The following EPGN variants were observed in gnomAD, a reference collection of about 807,000 sequenced individuals.
The protein encoded by EPGN is epithelial mitogen, also known as epigen.
Under a neutral mutation model 20.7 loss-of-function variants are expected in EPGN, and 21 were observed. That is an observed-to-expected ratio of 1.01 (90% confidence interval 0.72 to 1.46). The LOEUF (loss-of-function observed/expected upper bound fraction) is 1.46. EPGN is among the 40% of genes most tolerant of loss of function. EPGN has a pLI of 0.00. For missense variants in EPGN, 199 were observed against 180.7 expected (o/e 1.10, Z -0.58); for synonymous variants, 69 against 63.8 (o/e 1.08, Z -0.39).
intron 2 of EPGN, among the ~76,000 whole-genome samples, chr4:74,310,144 T>C (rs371989330): frequency 1.3e-5 from 2 of 152,128 alleles, no homozygotes; most frequent in African/African-American, 4.8e-5. Context: ...AGGAAACACC[T>C]TATTATAATT....
At chr4:74,309,871 C>T (rs562812812) in intron 2 of EPGN, among the ~76,000 whole-genome samples, 1 of 152,198 alleles carries the variant, frequency 6.6e-6, no homozygotes, top group African/African-American at 2.4e-5. Context: ...TTCTGCAAAT[C>T]GCATCCTGAT....
At chr4:74,312,440 T>G in intron 3 of EPGN, 135 bp downstream of exon 3, 2 of 940,002 alleles carry the variant, frequency 2.1e-6, no homozygotes. Context: ...TTGACAGGCC[T>G]CTACATATTT....
At chr4:74,310,487 A>T (rs565003826) in intron 2 of EPGN, among the ~76,000 whole-genome samples, 1 of 148,418 alleles carries the variant, frequency 6.7e-6, no homozygotes, top group East Asian at 2.0e-4. Flanking sequence ...AAAAAAAAAG[A>T]AGATAATATA....
In EPGN at chr4:74,310,834, C is replaced by T. The variant is rs189447617; in HGVS notation, c.134-1351C>T. 2.0e-3 allele frequency among the ~76,000 whole-genome samples: 310 copies of T among 152,182 alleles called. 1 individual carries two copies. Among genetic ancestry groups the T allele is most frequent in the African/African-American group, 7.2e-3 (297 of 41,520 alleles). On this transcript the variant is annotated intron_variant, in intron 2 of 4. Transcript: ENST00000413830. The stretch of plus-strand genomic sequence containing the variant: ...TTAGTTATGCCTAAAACATTGTAAA[C>T]GCTATGCAAATAGTTGTTATACTGC...
chr4:74,309,584 G>T (rs751622212), intron 2 of EPGN, among the ~76,000 whole-genome samples: 2 of 139,766 alleles, frequency 1.4e-5, no homozygotes, highest in Non-Finnish European at 1.5e-5. Flanking sequence ...GCTACAAGAT[G>T]AACAGCACTT....
chr4:74,315,952 CAAA>C lies in EPGN; in HGVS notation c.*1330_*1332del, dbSNP rs200784402. 1.8e-5 allele frequency among the ~76,000 whole-genome samples: 2 copies of C among 111,436 alleles called. No homozygotes were observed. The highest frequency in any genetic ancestry group is 3.0e-5 in the African/African-American group (1 of 33,262). The allele number at this position is 111,436 out of a possible 152,430, so 73.1% of individuals were successfully genotyped here. A position where few individuals can be genotyped will look rare whatever the true frequency, so the allele number is the denominator to read the frequency against. ...GGGTGACAAGAGCGAAACTCCATCTCAAAAAAAAAAAAAAAAATCAGTATCCTT... is the reference window on the plus strand; with the variant it reads ...GGGTGACAAGAGCGAAACTCCATCTCAAAAAAAAAAAAAATCAGTATCCTT... On this transcript the variant is annotated 3_prime_UTR_variant, in exon 5 of 5. Transcript: ENST00000413830.
rs1751204868 is a variant in EPGN at position 74,315,004 on chromosome 4, C to T, written c.*367C>T. The stretch of plus-strand genomic sequence containing the variant: ...AACCTTGCAGCAAGCCAAAGCAATG[C>T]CTCGCTTGGGTTCTTCATGTTCTTA... On this transcript the variant is annotated 3_prime_UTR_variant, in exon 5 of 5. Transcript: ENST00000413830. 4.6e-6 allele frequency: 1 copy of T among 215,308 alleles called. No homozygotes were observed. Among genetic ancestry groups the T allele is most frequent in the East Asian group, 1.3e-4 (1 of 7,528 alleles). 13.3% of individuals were successfully genotyped at this position (215,308 alleles called of 1,614,324 possible).
At chr4:74,314,393 A>G (rs1268263307) in intron 4 of EPGN, 187 bp from the exon 5 acceptor site, 1 of 623,180 alleles carries the variant, frequency 1.6e-6, no homozygotes, top group East Asian at 2.8e-5. Flanking sequence ...CTATGGGCAG[A>G]CCTTGGGAGA....
In EPGN at chr4:74,316,680, C is replaced by G. The variant is rs1440398937; in HGVS notation, c.*2043C>G. Among the ~76,000 whole-genome samples, 1 of 152,110 alleles carries G rather than the reference C, an allele frequency of 6.6e-6. No homozygotes were observed. On this transcript the variant is annotated 3_prime_UTR_variant, in exon 5 of 5. Transcript: ENST00000413830. ...GACAGACCACACCTAGAAAGCGTTTCTCTTCCTGAGTATTTCAAAAAGATG... is the reference window on the plus strand; with the variant it reads ...GACAGACCACACCTAGAAAGCGTTTGTCTTCCTGAGTATTTCAAAAAGATG...
In EPGN at chr4:74,313,104, T is replaced by C. The variant is rs775356464; in HGVS notation, c.341T>C (p.Ile114Thr). 1.9e-6 allele frequency: 3 copies of C among 1,613,122 alleles called. No homozygotes were observed. Among genetic ancestry groups the C allele is most frequent in the Non-Finnish European group, 2.5e-6 (3 of 1,179,504 alleles). Reference sequence around the variant, plus strand: ...GATTCTTATGAAAAATACATTGCAATTGGGATTGGTGTTGGATTACTATTA... The same window carrying C: ...GATTCTTATGAAAAATACATTGCAACTGGGATTGGTGTTGGATTACTATTA... ...AVDSYEKYIA[I>T]GIGVGLLLSG... The change falls in exon 4 of 5, where the codon ATT becomes ACT. Residue 114 changes from isoleucine to threonine, a missense_variant. Physicochemically the swap from Ile to Thr is moderately conservative, Grantham distance 89 (BLOSUM62 -1). Coordinates refer to ENST00000413830, the MANE Select transcript of EPGN (RefSeq NM_001270989.2).
chr4:74,312,879 C>G, intron 3 of EPGN, 139 bp from the exon 4 acceptor site: 1 of 702,820 alleles, frequency 1.4e-6, no homozygotes, highest in Non-Finnish European at 2.2e-6. Context: ...TTGCCCGTAA[C>G]AGATTGGCTT....
chr4:74,314,544 A>G, intron 4 of EPGN, 36 bp from the exon 5 acceptor site: 1 of 1,532,810 alleles, frequency 6.5e-7, no homozygotes, highest in Non-Finnish European at 8.7e-7. Flanking sequence ...TATGAACCAC[A>G]GTCAAATTCA....
Position 74,313,092 on chromosome 4 carries a change from A to C in EPGN, c.329A>C (p.Lys110Thr), listed in dbSNP as rs369806495. The C allele has an allele frequency of 1.9e-6, 3 of 1,613,404 alleles. No homozygotes were observed. The highest frequency in any genetic ancestry group is 2.5e-6 in the Non-Finnish European group (3 of 1,179,696). ...TCATATGCTGTGGATTCTTATGAAA[A>C]ATACATTGCAATTGGGATTGGTGTT... ...LTSYAVDSYE[K>T]YIAIGIGVGL... The change falls in exon 4 of 5, where the codon AAA becomes ACA. Residue 110 changes from lysine to threonine, a missense_variant. Lys to Thr is a moderately conservative substitution (Grantham distance 78). Coordinates refer to ENST00000413830, the MANE Select transcript of EPGN (RefSeq NM_001270989.2).
rs1751064728 is a variant in EPGN, at chr4:74,313,070, T to C, written c.307T>C (p.Tyr103His). The change falls in exon 4 of 5, where the codon TAT becomes CAT. Residue 103 changes from tyrosine to histidine, a missense_variant. Tyr to His is a moderately conservative substitution (Grantham distance 83). Transcript: ENST00000413830. ...GTGTGAGCACTTGACTTTAACTTCA[T>C]ATGCTGTGGATTCTTATGAAAAATA... Reference protein sequence around the residue: ...ERCEHLTLTSYAVDSYEKYIA... With the variant: ...ERCEHLTLTSHAVDSYEKYIA... 1 of 1,613,210 alleles carries C rather than the reference T, an allele frequency of 6.2e-7. No individual in the cohort carries two copies. The highest frequency in any genetic ancestry group is 8.5e-7 in the Non-Finnish European group (1 of 1,179,712).
chr4:74,308,591 T>C lies in EPGN; in HGVS notation c.43+15T>C. On this transcript the variant is annotated intron_variant, in intron 1 of 4. Transcript: ENST00000413830. ...TTTATTCAACGGTAGGTAATTTCCT[T>C]TTGTTTTGTTAACTTTATATCAGTG... is the stretch of plus-strand genomic sequence containing the variant. The C allele has an allele frequency of 6.2e-7, 1 of 1,606,876 alleles. No individual in the cohort carries two copies.
At chr4:74,313,278 A>G in intron 4 of EPGN, 108 bp downstream of exon 4, 2 of 1,428,226 alleles carry the variant, frequency 1.4e-6, no homozygotes, top group Non-Finnish European at 1.8e-6. Flanking sequence ...TTTTTAATTA[A>G]AAAAGAGCTG....
chr4:74,314,868 T>C lies in EPGN; in HGVS notation c.*231T>C. On this transcript the variant is annotated 3_prime_UTR_variant, in exon 5 of 5. Transcript: ENST00000413830. ...GCCTCAGTGACACAAGTCAAATTCA[T>C]AGTTTCACTCTGGGTTTTTTGTTGT... 1.9e-6 allele frequency: 1 copy of C among 539,420 alleles called. No homozygotes were observed. Among genetic ancestry groups the C allele is most frequent in the Non-Finnish European group, 3.3e-6 (1 of 304,922 alleles). The allele number at this position is 539,420 out of a possible 1,614,324, so 33.4% of individuals were successfully genotyped here.
chr4:74,314,516 G>A (rs913026945), intron 4 of EPGN, 64 bp from the exon 5 acceptor site: 2 of 1,489,850 alleles, frequency 1.3e-6, no homozygotes, highest in Admixed American at 2.0e-5. Flanking sequence ...GTGCATTTAT[G>A]TAAGCTTCAA....
At chr4:74,310,565 A>C (rs1750871143) in intron 2 of EPGN, among the ~76,000 whole-genome samples, 1 of 152,010 alleles carries the variant, frequency 6.6e-6, no homozygotes, top group Non-Finnish European at 1.5e-5. Flanking sequence ...CTCAGTACTA[A>C]ATTTTTTTTT....
Sources: gnomAD v4.1 joint callset for allele counts (sites outside exome capture counted in the v4.1 genomes callset) on GRCh38, gnomAD v4.1.1 for gene constraint, MANE v1.5 for transcripts, NCBI Gene and HGNC (gene_info 2026-07-23, HGNC 2026-07-21) for gene names.